STXBP5L: variants seen among roughly 807,000 people sequenced by gnomAD.
The protein encoded by STXBP5L is syntaxin-binding protein 5-like.
A neutral mutation model predicts 144.5 loss-of-function variants in STXBP5L; 65 were observed. That is an observed-to-expected ratio of 0.45 (90% confidence interval 0.37 to 0.55). STXBP5L has a LOEUF of 0.55. Among genes scored for constraint, STXBP5L ranks in the 20% least tolerant of loss-of-function variants. The probability of loss-of-function intolerance (pLI) is 0.00; values close to 1 mark genes in which losing one functional copy is unlikely to be tolerated. For synonymous variants in STXBP5L, 505 were observed against 469.6 expected, an observed-to-expected ratio of 1.08 and a Z score of -0.97; for missense variants, 1,298 against 1,405.5, an observed-to-expected ratio of 0.92 and a Z score of 1.22.
At chr3:121,256,999 T>C (rs1420812504) in intron 16 of STXBP5L, among the ~76,000 whole-genome samples, 162 bp from the exon 17 acceptor site, 1 of 152,096 alleles carries the variant, frequency 6.6e-6, no homozygotes, top group Non-Finnish European at 1.5e-5. Context: ...TTCTCAACTT[T>C]CCTGTAAATA....
chr3:121,146,978 T>C (rs2045735852), intron 7 of STXBP5L, among the ~76,000 whole-genome samples: 1 of 152,038 alleles, frequency 6.6e-6, no homozygotes. Context: ...AGAACTAAAA[T>C]GAAAAATACT....
chr3:121,415,821 G>C (rs1348292906), intron 24 of STXBP5L, 36 bp from the exon 25 acceptor site: 2 of 1,443,450 alleles, frequency 1.4e-6, no homozygotes, highest in African/African-American at 2.8e-5. Context: ...TGATTTTTTA[G>C]TTGTTCTAAT....
At chr3:121,062,826 A>G (rs2041350296) in intron 5 of STXBP5L, among the ~76,000 whole-genome samples, 1 of 152,036 alleles carries the variant, frequency 6.6e-6, no homozygotes, top group Non-Finnish European at 1.5e-5. Flanking sequence ...ATGCTTCACA[A>G]AGTTCTCATT....
rs1276162799 is a variant in STXBP5L, at chr3:120,998,556, C to T, written c.288-43144C>T. Among the ~76,000 whole-genome samples the T allele has an allele frequency of 2.0e-5, 3 of 152,104 alleles. No homozygotes were observed. In the East Asian group the frequency reaches 5.8e-4, roughly 29 times the overall value. ...TAGCTGACCATTCCCCAACAGGCCC[C>T]AGTGTGTGATATTCCCCTGCCTGTG... is the stretch of plus-strand genomic sequence containing the variant. On this transcript the variant is annotated intron_variant, in intron 3 of 26. Transcript: ENST00000471454.
intron 20 of STXBP5L, among the ~76,000 whole-genome samples, chr3:121,370,405 TG>T (rs1358905225): frequency 6.6e-6 from 1 of 152,122 alleles, no homozygotes; most frequent in African/African-American, 2.4e-5. Flanking sequence ...TCCTCCTATG[TG>T]AAGATGTGAC....
In STXBP5L at chr3:121,160,766, T is replaced by A. The variant is rs555325426; in HGVS notation, c.877+3139T>A. ...TTGTGGGTCCCGTCATATTTTTCCC[T>A]CTTTCCTCTTTTTGCCTTCTTGGAG... On this transcript the variant is annotated intron_variant, in intron 9 of 26. Transcript: ENST00000471454. Among the ~76,000 whole-genome samples, 102 of 152,306 alleles carry A rather than the reference T, an allele frequency of 6.7e-4. 3 individuals are homozygous for A. The South Asian group carries it at 0.021, about 31-fold the overall frequency.
intron 2 of STXBP5L, among the ~76,000 whole-genome samples, chr3:120,920,983 C>G (rs1266140133): frequency 6.6e-6 from 1 of 151,708 alleles, no homozygotes; most frequent in Non-Finnish European, 1.5e-5. Context: ...TATTGATTTC[C>G]TTTCTTTTGA....
intron 20 of STXBP5L, chr3:121,357,688 G>A (rs917328002): frequency 6.6e-6 from 1 of 152,154 alleles, no homozygotes; most frequent in Non-Finnish European, 1.5e-5. Context: ...ATTTGTCTTG[G>A]AGAATAACAT....
intron 3 of STXBP5L, among the ~76,000 whole-genome samples, chr3:121,013,183 A>C (rs994918068): frequency 3.3e-5 from 5 of 151,890 alleles, no homozygotes; most frequent in African/African-American, 1.2e-4. Context: ...TTTTTGGTGG[A>C]ATGATTTATT....
intron 5 of STXBP5L, among the ~76,000 whole-genome samples, chr3:121,089,887 C>T (rs938319935): frequency 6.6e-6 from 1 of 151,812 alleles, no homozygotes; most frequent in Non-Finnish European, 1.5e-5. Flanking sequence ...TTTAAATTTT[C>T]TTCATTATAT....
chr3:121,252,078 G>T (rs1459261984), intron 15 of STXBP5L, among the ~76,000 whole-genome samples: 1 of 152,220 alleles, frequency 6.6e-6, no homozygotes, highest in East Asian at 1.9e-4. Context: ...AAATGTGGAG[G>T]GCCAGGCGCA....
intron 3 of STXBP5L, among the ~76,000 whole-genome samples, chr3:121,023,922 A>C (rs180690256): frequency 4.2e-4 from 63 of 151,080 alleles, no homozygotes; most frequent in Admixed American, 2.2e-3. Context: ...CCCCCAGCTA[A>C]TTTTTTTTTG....
intron 9 of STXBP5L, among the ~76,000 whole-genome samples, chr3:121,168,476 C>T (rs2046580895): frequency 6.6e-6 from 1 of 152,074 alleles, no homozygotes; most frequent in Non-Finnish European, 1.5e-5. Flanking sequence ...CTAGAATAAC[C>T]AGTTTAGAGA....
At chr3:121,010,223 AG>A (rs2108125871) in intron 3 of STXBP5L, among the ~76,000 whole-genome samples, 1 of 151,956 alleles carries the variant, frequency 6.6e-6, no homozygotes, top group South Asian at 2.1e-4. Flanking sequence ...ATAATTATTT[AG>A]GTAAATGACT....
intron 2 of STXBP5L, among the ~76,000 whole-genome samples, chr3:120,951,025 C>G (rs1426172460): frequency 6.6e-6 from 1 of 152,058 alleles, no homozygotes; most frequent in Non-Finnish European, 1.5e-5. Context: ...TGATCTTTGA[C>G]AAACCTGAGA....
intron 2 of STXBP5L, among the ~76,000 whole-genome samples, chr3:120,931,096 CTT>C (rs76276771): frequency 5.4e-4 from 74 of 136,044 alleles, no homozygotes; most frequent in Admixed American, 5.2e-4. Flanking sequence ...TGGGTTTTCT[CTT>C]TTTTTTTTTT....
intron 20 of STXBP5L, among the ~76,000 whole-genome samples, chr3:121,322,203 G>A (rs1048716669): frequency 6.6e-6 from 1 of 152,150 alleles, no homozygotes; most frequent in African/African-American, 2.4e-5. Flanking sequence ...TTTTGGCTGG[G>A]CGCCGTGGCT....
intron 3 of STXBP5L, among the ~76,000 whole-genome samples, chr3:120,969,616 C>T (rs1350037426): frequency 6.6e-6 from 1 of 151,824 alleles, no homozygotes; most frequent in African/African-American, 2.4e-5. Flanking sequence ...GAATTCTTGC[C>T]TAAGTCAATG....
intron 20 of STXBP5L, among the ~76,000 whole-genome samples, chr3:121,320,771 A>C (rs562235104): frequency 1.2e-3 from 177 of 148,274 alleles, no homozygotes; most frequent in Non-Finnish European, 1.9e-3. Flanking sequence ...GCGCAATCTC[A>C]GCTCACTGCA....
Sources: gnomAD v4.1 joint callset for allele counts (sites outside exome capture counted in the v4.1 genomes callset) on GRCh38, gnomAD v4.1.1 for gene constraint, MANE v1.5 for transcripts, NCBI Gene and HGNC (gene_info 2026-07-23, HGNC 2026-07-21) for gene names.